MTCL3: variants seen among roughly 807,000 people sequenced by gnomAD.
MTCL3 encodes the protein microtubule cross-linking factor 3.
chr6:127,514,757 G>A, the MTCL3 span: 3 of 1,341,806 alleles, frequency 2.2e-6, no homozygotes, highest in Non-Finnish European at 3.1e-6. Context: ...TCAGCCTAAA[G>A]AGCCCTTGGC....
At chr6:127,474,769 G>A in the MTCL3 span, among the ~76,000 whole-genome samples, 1 of 152,010 alleles carries the variant, frequency 6.6e-6, no homozygotes, top group African/African-American at 2.4e-5. Flanking sequence ...TTGGAGAGAC[G>A]GATCTTGCCT....
the MTCL3 span, among the ~76,000 whole-genome samples, chr6:127,503,480 G>C: frequency 1.3e-5 from 2 of 152,074 alleles, no homozygotes; most frequent in African/African-American, 4.8e-5. Flanking sequence ...AAATTCCAAT[G>C]GATAGTCTTT....
the MTCL3 span, among the ~76,000 whole-genome samples, chr6:127,505,018 C>T: frequency 6.6e-6 from 1 of 152,120 alleles, no homozygotes; most frequent in Non-Finnish European, 1.5e-5. Flanking sequence ...ATTCAACACC[C>T]TGGTTTATTT....
chr6:127,485,541 C>A, the MTCL3 span, among the ~76,000 whole-genome samples: 1 of 152,194 alleles, frequency 6.6e-6, no homozygotes, highest in Admixed American at 6.5e-5. Flanking sequence ...TACAAAGACA[C>A]AAGGGTGGCA....
the MTCL3 span, among the ~76,000 whole-genome samples, chr6:127,478,969 A>G: frequency 7.0e-6 from 1 of 143,488 alleles, no homozygotes; most frequent in Non-Finnish European, 1.5e-5. Flanking sequence ...GTAAGCCGAG[A>G]TTGCGCCACT....
chr6:127,473,888 G>A, the MTCL3 span, among the ~76,000 whole-genome samples: 2 of 152,132 alleles, frequency 1.3e-5, no homozygotes, highest in Non-Finnish European at 2.9e-5. Context: ...TCTTTCATGT[G>A]GTTAACTCTG....
chr6:127,501,576 A>G, the MTCL3 span, among the ~76,000 whole-genome samples: 4 of 152,198 alleles, frequency 2.6e-5, no homozygotes, highest in Non-Finnish European at 4.4e-5. Flanking sequence ...AATTGTATTA[A>G]CCAGTTACCC....
chr6:127,475,387 G>A, the MTCL3 span: 11 of 1,613,202 alleles, frequency 6.8e-6, no homozygotes, highest in East Asian at 2.2e-5. The surrounding 1 kb of genome is among the most constrained non-coding windows in gnomAD (Gnocchi z 7.3). Context: ...CTTGCGGAAG[G>A]CCTTCATCTG....
chr6:127,514,837 C>G, the MTCL3 span: 1 of 1,612,406 alleles, frequency 6.2e-7, no homozygotes, highest in Admixed American at 1.7e-5. Flanking sequence ...AGGTCCTGCT[C>G]CAGGCTGCGC....
At chr6:127,478,877 C>T in the MTCL3 span, among the ~76,000 whole-genome samples, 1 of 151,794 alleles carries the variant, frequency 6.6e-6, no homozygotes. Context: ...ATTAGCTGGG[C>T]ATGGTGGCAT....
the MTCL3 span, among the ~76,000 whole-genome samples, chr6:127,489,691 G>C: frequency 1.5e-4 from 23 of 152,368 alleles, 1 homozygote; most frequent in Non-Finnish European, 2.5e-4. Context: ...GCTTAACCCA[G>C]GGCAAGGCCC....
At chr6:127,515,649 T>C in the MTCL3 span, 3 of 1,471,984 alleles carry the variant, frequency 2.0e-6, no homozygotes, top group South Asian at 1.4e-5. This position sits in a 1 kb window ranked among gnomAD's most constrained non-coding sequence, Gnocchi z 4.3. Context: ...CGCTGCCCTC[T>C]GCGCTCTGCT....
the MTCL3 span, chr6:127,513,164 G>T: frequency 1.0e-6 from 1 of 953,460 alleles, no homozygotes; most frequent in Non-Finnish European, 1.5e-6. Context: ...TTTACCATGT[G>T]CCAGGCATTA....
chr6:127,482,875 G>C, the MTCL3 span: 1 of 1,446,638 alleles, frequency 6.9e-7, no homozygotes, highest in Non-Finnish European at 9.5e-7. This position sits in a 1 kb window ranked among gnomAD's most constrained non-coding sequence, Gnocchi z 4.1. Context: ...ACACTTAGAG[G>C]TACTTGGTGT....
At chr6:127,514,644 G>C in the MTCL3 span, among the ~76,000 whole-genome samples, 3 of 152,182 alleles carry the variant, frequency 2.0e-5, no homozygotes, top group Admixed American at 2.0e-4. Flanking sequence ...GCACTCTTTA[G>C]AGCCACCTGC....
the MTCL3 span, among the ~76,000 whole-genome samples, chr6:127,502,975 G>A: frequency 3.3e-5 from 5 of 152,132 alleles, no homozygotes; most frequent in African/African-American, 4.8e-5. Flanking sequence ...TTCCCTTTCT[G>A]TAAGATAAAA....
At chr6:127,517,347 T>C in the MTCL3 span, among the ~76,000 whole-genome samples, 3 of 152,196 alleles carry the variant, frequency 2.0e-5, no homozygotes, top group African/African-American at 2.4e-5. Flanking sequence ...TTTAAATCAA[T>C]CTCAGTTTCA....
chr6:127,508,745 C>T, the MTCL3 span, among the ~76,000 whole-genome samples: 1 of 152,148 alleles, frequency 6.6e-6, no homozygotes, highest in Non-Finnish European at 1.5e-5. Flanking sequence ...TGTCTCTTAT[C>T]AACACTTCAA....
At chr6:127,504,561 G>A in the MTCL3 span, among the ~76,000 whole-genome samples, 2 of 152,140 alleles carry the variant, frequency 1.3e-5, no homozygotes, top group African/African-American at 2.4e-5. Context: ...GTAGAGGGGA[G>A]TGGTGGAGAA....
Sources: allele counts gnomAD v4.1 joint callset (sites outside exome capture counted in the v4.1 genomes callset), GRCh38; gene constraint gnomAD v4.1.1; non-coding constraint Gnocchi (gnomAD v3.1); transcripts MANE v1.5; gene names NCBI Gene and HGNC (gene_info 2026-07-23, HGNC 2026-07-21).